LRRC4C: variants seen among roughly 807,000 people sequenced by gnomAD.
LRRC4C encodes the protein leucine rich repeat containing 4C.
In LRRC4C, 5 loss-of-function variants were observed where a neutral mutation model predicts 33.6. The ratio of observed to expected loss-of-function variants is 0.15; its 90% CI spans 0.08 to 0.31. LRRC4C has a LOEUF of 0.31. LRRC4C is among the 10% of genes least tolerant of loss of function. The pLI is 1.00. For synonymous variants in LRRC4C, 329 were observed against 302.0 expected, an observed-to-expected ratio of 1.09 and a Z score of -0.93; for missense variants, 560 against 796.7, an observed-to-expected ratio of 0.70 and a Z score of 3.58.
chr11:41,316,197 G>C (rs956747091), intron 1 of LRRC4C, among the ~76,000 whole-genome samples: 5 of 146,262 alleles, frequency 3.4e-5, no homozygotes, highest in African/African-American at 1.2e-4. Flanking sequence ...TCTATAACTG[G>C]GGGTGACTAT....
At chr11:41,119,955 T>C (rs1942339274) in intron 1 of LRRC4C, among the ~76,000 whole-genome samples, 1 of 152,174 alleles carries the variant, frequency 6.6e-6, no homozygotes, top group Non-Finnish European at 1.5e-5. Flanking sequence ...AAGAGAGTAG[T>C]AGCATTCTTT....
intron 1 of LRRC4C, among the ~76,000 whole-genome samples, chr11:40,998,214 A>C (rs2137341221): frequency 6.6e-6 from 1 of 151,802 alleles, no homozygotes; most frequent in East Asian, 1.9e-4. Flanking sequence ...ATATTTTTTA[A>C]AAATATTAAA....
At chr11:40,279,297 C>T (rs1943318125) in intron 4 of LRRC4C, among the ~76,000 whole-genome samples, 1 of 152,142 alleles carries the variant, frequency 6.6e-6, no homozygotes. Context: ...GGATAAAAAT[C>T]ATCTACCCAG....
chr11:40,385,487 A>T (rs951109049), intron 3 of LRRC4C, among the ~76,000 whole-genome samples: 1 of 152,116 alleles, frequency 6.6e-6, no homozygotes, highest in African/African-American at 2.4e-5. Context: ...GGAGATAAAC[A>T]TTGCGTACAC....
At chr11:40,306,963 G>A (rs1262438516) in intron 4 of LRRC4C, among the ~76,000 whole-genome samples, 2 of 150,120 alleles carry the variant, frequency 1.3e-5, no homozygotes, top group Non-Finnish European at 3.0e-5. Flanking sequence ...TCTCTCTGTG[G>A]CACAATTGGT....
chr11:41,088,456 C>T (rs1940165328), intron 1 of LRRC4C, among the ~76,000 whole-genome samples: 2 of 92,778 alleles, frequency 2.2e-5, no homozygotes, highest in South Asian at 9.2e-4. Flanking sequence ...TTGGTATTAA[C>T]CTGGCTCTTT....
At chr11:40,463,065 C>T (rs1201471380) in intron 3 of LRRC4C, among the ~76,000 whole-genome samples, 1 of 152,070 alleles carries the variant, frequency 6.6e-6, no homozygotes, top group African/African-American at 2.4e-5. Context: ...GTGCCTGTCA[C>T]TGAACAAGTA....
At chr11:40,543,746 G>A (rs781124831) in intron 3 of LRRC4C, among the ~76,000 whole-genome samples, 4 of 152,116 alleles carry the variant, frequency 2.6e-5, no homozygotes, top group Non-Finnish European at 5.9e-5. Flanking sequence ...TTTTAAGCCA[G>A]CTTATGGTCT....
rs1005052667 is a variant in LRRC4C at position 40,925,778 on chromosome 11, A to T, written c.-407+7857T>A. Among the ~76,000 whole-genome samples, 5 of 152,146 alleles carry T rather than the reference A, an allele frequency of 3.3e-5. No individual in the cohort carries two copies. The South Asian group carries it at 1.0e-3, about 31-fold the overall frequency. ...TTACTTTATTGTCTGTAAATTGGAG[A>T]TTATTTCACATTTACTGGAATTCTA... On this transcript the variant is annotated intron_variant, in intron 2 of 6. Coordinates refer to ENST00000528697, the MANE Select transcript of LRRC4C (RefSeq NM_001258419.2).
At chr11:41,087,420 CTTGT>C (rs1299914439) in intron 1 of LRRC4C, among the ~76,000 whole-genome samples, 1 of 152,168 alleles carries the variant, frequency 6.6e-6, no homozygotes. Context: ...GCATTTCCAA[CTTGT>C]TTAATTGTTT....
At chr11:40,210,592 T>G (rs1565138300) in intron 5 of LRRC4C, among the ~76,000 whole-genome samples, 1 of 152,166 alleles carries the variant, frequency 6.6e-6, no homozygotes, top group Non-Finnish European at 1.5e-5. Context: ...CTCTGATCCC[T>G]GCATCTATTG....
At chr11:40,707,440 A>T (rs1946225959) in intron 2 of LRRC4C, among the ~76,000 whole-genome samples, 1 of 152,172 alleles carries the variant, frequency 6.6e-6, no homozygotes, top group Admixed American at 6.5e-5. Flanking sequence ...ATTTTGTTGA[A>T]GGCCTTTTCT....
At chr11:40,613,362 T>G (rs2132217) in intron 3 of LRRC4C, among the ~76,000 whole-genome samples, 65,602 of 151,668 alleles carry the variant, frequency 0.43, 15,257 homozygotes, top group Middle Eastern at 0.57. Context: ...ACCAGGAATA[T>G]ATTCTATCTC....
chr11:41,080,641 C>A (rs1939506143), intron 1 of LRRC4C, among the ~76,000 whole-genome samples: 1 of 152,152 alleles, frequency 6.6e-6, no homozygotes, highest in African/African-American at 2.4e-5. Flanking sequence ...GCATGAGCCA[C>A]CATCCCTGGC....
intron 4 of LRRC4C, among the ~76,000 whole-genome samples, chr11:40,308,628 T>C (rs1299462277): frequency 6.6e-6 from 1 of 152,156 alleles, no homozygotes; most frequent in Admixed American, 6.5e-5. Context: ...GGCAAGTGAC[T>C]CAAGCCAACC....
At chr11:40,892,944 A>G (rs917422402) in intron 2 of LRRC4C, among the ~76,000 whole-genome samples, 2 of 152,240 alleles carry the variant, frequency 1.3e-5, no homozygotes, top group Non-Finnish European at 2.9e-5. Flanking sequence ...AATGTTGTGT[A>G]TGTGTTACCA....
intron 1 of LRRC4C, among the ~76,000 whole-genome samples, chr11:40,951,665 A>G (rs1958696213): frequency 6.6e-6 from 1 of 152,046 alleles, no homozygotes; most frequent in African/African-American, 2.4e-5. Flanking sequence ...AAGTCTTATC[A>G]TAAGGGAATC....
At chr11:40,479,330 C>T (rs750104358) in intron 3 of LRRC4C, among the ~76,000 whole-genome samples, 1 of 152,104 alleles carries the variant, frequency 6.6e-6, no homozygotes, top group Non-Finnish European at 1.5e-5. Context: ...AAAAGGTCTG[C>T]TGTGTACTGG....
At chr11:40,816,623 A>G (rs1951716004) in intron 2 of LRRC4C, among the ~76,000 whole-genome samples, 1 of 152,148 alleles carries the variant, frequency 6.6e-6, no homozygotes, top group South Asian at 2.1e-4. Context: ...CATCATTAGC[A>G]TCATTTAGCA....
Sources: allele counts gnomAD v4.1 joint callset (sites outside exome capture counted in the v4.1 genomes callset), GRCh38; gene constraint gnomAD v4.1.1; transcripts MANE v1.5; gene names NCBI Gene and HGNC (gene_info 2026-07-23, HGNC 2026-07-21).